The following FRMD5 variants were observed in gnomAD, a reference collection of about 807,000 sequenced individuals.
FRMD5 encodes the protein FERM domain-containing protein 5.
In FRMD5, 20 loss-of-function variants were observed where a neutral mutation model predicts 69.0. The ratio of observed to expected loss-of-function variants is 0.29; its 90% CI spans 0.20 to 0.42. FRMD5 has a LOEUF of 0.42. FRMD5 is among the 10% of genes least tolerant of loss of function. The pLI is 1.00. For synonymous variants in FRMD5, 271 were observed against 260.1 expected, an observed-to-expected ratio of 1.04 and a Z score of -0.40; for missense variants, 595 against 708.6, an observed-to-expected ratio of 0.84 and a Z score of 1.82.
chr15:44,096,270 T>C (rs2076551427), intron 1 of FRMD5, among the ~76,000 whole-genome samples: 1 of 149,024 alleles, frequency 6.7e-6, no homozygotes, highest in Non-Finnish European at 1.5e-5. Context: ...CTCAGGGTGA[T>C]CCATTTAATC....
chr15:43,971,504 C>T (rs192424400), intron 1 of FRMD5, among the ~76,000 whole-genome samples: 13 of 150,352 alleles, frequency 8.6e-5, no homozygotes, highest in East Asian at 4.1e-4. Flanking sequence ...ATCAAGATGG[C>T]GAAACCCCAT....
chr15:43,942,660 C>A (rs1595542416), intron 1 of FRMD5, among the ~76,000 whole-genome samples: 1 of 152,154 alleles, frequency 6.6e-6, no homozygotes, highest in Non-Finnish European at 1.5e-5. Context: ...TTGTTACTAT[C>A]AATGACAACA....
rs565806758 is a variant in FRMD5 at position 43,874,053 on chromosome 15, C to T, written c.1545G>A (p.Leu515=). 3 of 1,614,178 alleles carry T rather than the reference C, an allele frequency of 1.9e-6. No homozygotes were observed. In the East Asian group the frequency reaches 6.7e-5, roughly 36 times the overall value. ...CGGTAAGGATGATCAGGAGGAGGAG[C>T]AAAACAAAGAGGAGTCCCATGGTCA... The part of the protein sequence containing the change: ...LLVTMGLLFV[L]LLLLIILTES... Residue 515 remains leucine, a synonymous_variant, in exon 14 of 14, where the codon TTG becomes TTA. Coordinates refer to ENST00000417257, the MANE Select transcript of FRMD5 (RefSeq NM_032892.5).
chr15:43,915,330 T>C (rs1205262739), intron 4 of FRMD5, among the ~76,000 whole-genome samples: 3 of 152,216 alleles, frequency 2.0e-5, no homozygotes, highest in Non-Finnish European at 4.4e-5. Context: ...AAATACTTAC[T>C]ATTTGGCCCT....
Position 43,883,700 on chromosome 15 carries a change from C to G in FRMD5, c.1135+3G>C. On this transcript the variant is annotated splice_donor_region_variant and intron_variant, in intron 13 of 13. Coordinates refer to ENST00000417257, the MANE Select transcript of FRMD5 (RefSeq NM_032892.5). ...GTGGTCACCTCAAGAAGCTCATGCTCACCTTCCATGATGGAGATGTGAACA... is the reference window on the plus strand; with the variant it reads ...GTGGTCACCTCAAGAAGCTCATGCTGACCTTCCATGATGGAGATGTGAACA... 1 of 1,601,888 alleles carries G rather than the reference C, an allele frequency of 6.2e-7. No individual in the cohort carries two copies. The highest frequency in any genetic ancestry group is 8.5e-7 in the Non-Finnish European group (1 of 1,173,394).
At chr15:43,884,612 A>G in intron 12 of FRMD5, 115 bp downstream of exon 12, 1 of 811,128 alleles carries the variant, frequency 1.2e-6, no homozygotes, top group South Asian at 1.8e-5. Context: ...CTTCTGCTCC[A>G]TTTTGGACTT....
intron 1 of FRMD5, among the ~76,000 whole-genome samples, chr15:44,090,012 T>C (rs573500082): frequency 2.6e-5 from 4 of 152,180 alleles, no homozygotes; most frequent in Non-Finnish European, 5.9e-5. Flanking sequence ...ACACCCTGCA[T>C]GCACACACAC....
At chr15:44,103,829 G>A (rs936801583) in intron 1 of FRMD5, among the ~76,000 whole-genome samples, 1 of 152,160 alleles carries the variant, frequency 6.6e-6, no homozygotes, top group Non-Finnish European at 1.5e-5. Flanking sequence ...GGTCCCATAA[G>A]ACTAAAAGGA....
chr15:43,880,730 A>G (rs1371486391), intron 13 of FRMD5, among the ~76,000 whole-genome samples: 2 of 152,208 alleles, frequency 1.3e-5, no homozygotes, highest in Admixed American at 6.5e-5. Context: ...AGCACCTGGA[A>G]GTCTGCTGAG....
At chr15:43,969,588 T>C (rs547446961) in intron 1 of FRMD5, among the ~76,000 whole-genome samples, 1 of 152,196 alleles carries the variant, frequency 6.6e-6, no homozygotes, top group Non-Finnish European at 1.5e-5. Flanking sequence ...TTTCTATATA[T>C]AAATATTGCA....
At chr15:43,956,313 T>C (rs1354376369) in intron 1 of FRMD5, among the ~76,000 whole-genome samples, 1 of 152,228 alleles carries the variant, frequency 6.6e-6, no homozygotes, top group Non-Finnish European at 1.5e-5. Flanking sequence ...ACAGCTTTTT[T>C]TCCCTAAGTC....
intron 1 of FRMD5, among the ~76,000 whole-genome samples, chr15:44,086,731 TA>T (rs1370504400): frequency 6.6e-6 from 1 of 152,162 alleles, no homozygotes; most frequent in African/African-American, 2.4e-5. Context: ...CCACAATTTT[TA>T]AAAGGTGAAT....
intron 1 of FRMD5, among the ~76,000 whole-genome samples, chr15:44,191,938 A>ATATATATATATATC (rs2078203726): frequency 8.7e-5 from 11 of 125,870 alleles, no homozygotes; most frequent in African/African-American, 3.3e-4. Context: ...ATATATATAT[A>ATATATATATATATC]TATGTATCTC....
intron 1 of FRMD5, among the ~76,000 whole-genome samples, chr15:44,156,014 GCA>G (rs768985508): frequency 1.3e-5 from 2 of 152,138 alleles, no homozygotes; most frequent in Non-Finnish European, 2.9e-5. Context: ...ATGAAAAACA[GCA>G]CAGTGTCACA....
At chr15:44,150,447 A>G (rs1488170321) in intron 1 of FRMD5, among the ~76,000 whole-genome samples, 2 of 151,584 alleles carry the variant, frequency 1.3e-5, no homozygotes, top group African/African-American at 4.8e-5. Context: ...AAAACCTGCT[A>G]CAACTAATAA....
intron 1 of FRMD5, among the ~76,000 whole-genome samples, chr15:44,139,943 C>CA (rs1206688918): frequency 6.6e-6 from 1 of 151,890 alleles, no homozygotes; most frequent in Non-Finnish European, 1.5e-5. Flanking sequence ...ACTAAATGGA[C>CA]AAAAATTCCC....
intron 1 of FRMD5, chr15:43,989,644 C>G: frequency 2.3e-6 from 2 of 888,228 alleles, no homozygotes; most frequent in South Asian, 1.3e-5. Context: ...CCTGACCAGC[C>G]AGGCACACAC....
intron 1 of FRMD5, among the ~76,000 whole-genome samples, chr15:44,158,378 T>C (rs1034908897): frequency 2.6e-5 from 4 of 152,198 alleles, no homozygotes; most frequent in African/African-American, 9.6e-5. Flanking sequence ...CCAATGTCTT[T>C]TCACTGATTT....
chr15:43,963,609 T>C (rs2090242146), intron 1 of FRMD5, among the ~76,000 whole-genome samples: 1 of 152,188 alleles, frequency 6.6e-6, no homozygotes, highest in South Asian at 2.1e-4. Flanking sequence ...CATGCACACG[T>C]ATGTTTATTG....
Sources: gnomAD v4.1 joint callset for allele counts (sites outside exome capture counted in the v4.1 genomes callset) on GRCh38, gnomAD v4.1.1 for gene constraint, MANE v1.5 for transcripts, NCBI Gene and HGNC (gene_info 2026-07-23, HGNC 2026-07-21) for gene names.